Variants in TNNI3K observed in about 807,000 individuals in gnomAD.
TNNI3K encodes the protein serine/threonine-protein kinase TNNI3K.
TNNI3K carries 140 observed loss-of-function variants against 114.5 expected under a neutral mutation model. The observed-to-expected ratio is 1.22, with a 90% confidence interval of 1.07 to 1.41. The LOEUF is 1.41. Among genes scored for constraint, TNNI3K ranks in the 40% most tolerant of loss-of-function variants. TNNI3K has a pLI of 0.00. For synonymous variants in TNNI3K, 347 were observed against 347.5 expected (o/e 1.00, Z 0.02); for missense variants, 1,125 against 1,007.6 (o/e 1.12, Z -1.58).
In TNNI3K at chr1:74,370,140, C is replaced by T. The variant is rs992112542; in HGVS notation, c.1668-148C>T. On this transcript the variant is annotated intron_variant, in intron 16 of 24. Coordinates refer to ENST00000326637, the MANE Select transcript of TNNI3K (RefSeq NM_015978.3). ...TTAAGCATTTTCTGATGTAGGAAAG[C>T]TATTCAGATTTGTTGAATTTCTAGC... is the stretch of plus-strand genomic sequence containing the variant. 2.6e-5 allele frequency: 14 copies of T among 541,302 alleles called. No homozygotes were observed. In the Middle Eastern group the frequency reaches 1.5e-3, roughly 59 times the overall value. 33.5% of individuals were successfully genotyped at this position (541,302 alleles called of 1,614,324 possible).
intron 5 of TNNI3K, among the ~76,000 whole-genome samples, chr1:74,281,809 T>TCA (rs1657032026): frequency 1.2e-3 from 4 of 3,404 alleles, no homozygotes; most frequent in Non-Finnish European, 8.5e-3. Context: ...CTGATTTGTT[T>TCA]TATCATATGG....
At chr1:74,496,768 T>G (rs1669347321) in intron 23 of TNNI3K, among the ~76,000 whole-genome samples, 2 of 152,310 alleles carry the variant, frequency 1.3e-5, no homozygotes, top group South Asian at 4.1e-4. Context: ...TTTTAAAATA[T>G]TTTGTGCCTC....
chr1:74,481,659 C>G (rs1347164841), intron 21 of TNNI3K, among the ~76,000 whole-genome samples: 1 of 152,196 alleles, frequency 6.6e-6, no homozygotes, highest in Non-Finnish European at 1.5e-5. Flanking sequence ...ACAGGTGGTA[C>G]TCAGGGCTTC....
At position 74,249,550 on chromosome 1, in the gene TNNI3K, T is replaced by C. The variant is rs1377354945; in HGVS notation, c.235+6T>C. On this transcript the variant is annotated splice_donor_region_variant and intron_variant, in intron 3 of 24. Transcript: ENST00000326637. The stretch of plus-strand genomic sequence containing the variant: ...TTTATGTTGCATTTGTGGAGGTGAG[T>C]ACTTGAAACTTAGTACTTCTTAAAC... The C allele has an allele frequency of 3.1e-6, 5 of 1,612,970 alleles. No individual in the cohort carries two copies. The South Asian group carries it at 5.5e-5, about 18-fold the overall frequency.
chr1:74,516,675 G>C (rs555341236), intron 23 of TNNI3K, among the ~76,000 whole-genome samples: 77 of 152,262 alleles, frequency 5.1e-4, no homozygotes, highest in African/African-American at 1.7e-3. Flanking sequence ...CGTTTAAAAA[G>C]AAGGACATTT....
chr1:74,269,367 G>T (rs935234509), intron 4 of TNNI3K, among the ~76,000 whole-genome samples: 1 of 151,838 alleles, frequency 6.6e-6, no homozygotes, highest in African/African-American at 2.4e-5. Context: ...AAAAGAGTTT[G>T]AAACACCAGA....
At chr1:74,318,126 G>A (rs184271016) in intron 5 of TNNI3K, among the ~76,000 whole-genome samples, 2 of 152,036 alleles carry the variant, frequency 1.3e-5, no homozygotes, top group Non-Finnish European at 2.9e-5. Context: ...TGTTCTCATC[G>A]CCTAGGAACT....
intron 22 of TNNI3K, 29 bp downstream of exon 22, chr1:74,489,277 C>A (rs200777919): frequency 1.3e-6 from 2 of 1,598,094 alleles, no homozygotes; most frequent in Non-Finnish European, 1.7e-6. Context: ...GAAATATGTC[C>A]ATAAAAAAGC....
intron 17 of TNNI3K, chr1:74,372,244 T>C (rs1662654380): frequency 6.6e-6 from 1 of 151,676 alleles, no homozygotes; most frequent in Non-Finnish European, 1.5e-5. Context: ...AGGAACAAAA[T>C]ACCTTTACAC....
At chr1:74,396,843 G>A (rs1664107184) in intron 17 of TNNI3K, among the ~76,000 whole-genome samples, 1 of 152,188 alleles carries the variant, frequency 6.6e-6, no homozygotes, top group Non-Finnish European at 1.5e-5. Context: ...AAATATTCAG[G>A]ATTAGATCCA....
chr1:74,487,997 T>C (rs1412457190), intron 21 of TNNI3K, among the ~76,000 whole-genome samples: 1 of 152,090 alleles, frequency 6.6e-6, no homozygotes, highest in African/African-American at 2.4e-5. Flanking sequence ...CTAAAGGAGT[T>C]TGGAGGACAA....
In TNNI3K at chr1:74,271,588, T is replaced by G. The variant is rs763841517; in HGVS notation, c.334-10T>G. 6.3e-7 allele frequency: 1 copy of G among 1,587,964 alleles called. No homozygotes were observed. Among genetic ancestry groups the G allele is most frequent in the Non-Finnish European group, 8.6e-7 (1 of 1,166,068 alleles). On this transcript the variant is annotated splice_polypyrimidine_tract_variant and intron_variant, in intron 4 of 24. Transcript: ENST00000326637. ...CAGAAAAGTAACACTAAAGATATGT[T>G]TCCTTACAGGATAATGCAGAATTGA...
chr1:74,327,573 A>G (rs1213200624), intron 5 of TNNI3K, among the ~76,000 whole-genome samples: 1 of 145,872 alleles, frequency 6.9e-6, no homozygotes, highest in East Asian at 2.0e-4. Flanking sequence ...TAGTTTTTTA[A>G]TATATATATA....
intron 23 of TNNI3K, among the ~76,000 whole-genome samples, chr1:74,506,192 A>G (rs746587231): frequency 2.1e-4 from 32 of 152,368 alleles, no homozygotes; most frequent in Non-Finnish European, 4.0e-4. Context: ...GATCTGTGAC[A>G]TAGAACAGAA....
intron 21 of TNNI3K, chr1:74,472,280 T>C (rs1438802630): frequency 3.0e-6 from 2 of 674,300 alleles, no homozygotes; most frequent in African/African-American, 1.8e-5. Flanking sequence ...AGAAACCTTA[T>C]GAAAAGTATA....
intron 11 of TNNI3K, among the ~76,000 whole-genome samples, chr1:74,358,197 A>G (rs1447415676): frequency 6.6e-6 from 1 of 152,096 alleles, no homozygotes; most frequent in Admixed American, 6.6e-5. Context: ...TCGTTTCAGT[A>G]CTGACACCAG....
At chr1:74,243,894 GAAAA>G (rs1388165052) in intron 2 of TNNI3K, among the ~76,000 whole-genome samples, 1 of 152,052 alleles carries the variant, frequency 6.6e-6, no homozygotes. Context: ...GGCAGGTGAT[GAAAA>G]ATGTAAGGGG....
rs1294399224 is a variant in TNNI3K at position 74,331,474 on chromosome 1, G to T, written c.469G>T (p.Gly157Ter). The change falls in exon 6 of 25, where the codon GGA (glycine) becomes TGA (stop). Residue 157 changes from glycine to a stop codon, truncating the protein, a stop_gained. Transcript: ENST00000326637. LOFTEE classifies it high-confidence loss of function. ...GGCTGCTGATGTGCTGTTGCAACAT[G>T]GAGCTAATGTCAATATTCAAGATGC... ...LEAADVLLQH[G>*]ANVNIQDAVF... is the part of the protein sequence containing the mutation. The T allele has an allele frequency of 2.5e-6, 4 of 1,613,412 alleles. No homozygotes were observed. In the East Asian group the frequency reaches 8.9e-5, roughly 36 times the overall value.
chr1:74,284,627 G>A (rs72673222), intron 5 of TNNI3K, among the ~76,000 whole-genome samples: 86 of 152,340 alleles, frequency 5.6e-4, no homozygotes, highest in Non-Finnish European at 1.1e-3. Flanking sequence ...AAGCAATTCA[G>A]AGTAGCCCCT....
Sources: allele counts gnomAD v4.1 joint callset (sites outside exome capture counted in the v4.1 genomes callset), GRCh38; gene constraint gnomAD v4.1.1; transcripts MANE v1.5; gene names NCBI Gene and HGNC (gene_info 2026-07-23, HGNC 2026-07-21).